The following ARHGAP24 variants were observed in gnomAD, a reference collection of about 807,000 sequenced individuals.
ARHGAP24 encodes rho GTPase-activating protein 24.
A neutral mutation model predicts 76.4 loss-of-function variants in ARHGAP24; 50 were observed. That is an observed-to-expected ratio of 0.65 (90% CI 0.52 to 0.83). ARHGAP24 has a LOEUF of 0.83. Ranked by LOEUF, ARHGAP24 falls within the 40% of genes least tolerant of loss-of-function variation. ARHGAP24 has a pLI of 0.00. For synonymous variants in ARHGAP24, 345 were observed against 323.3 expected, an observed-to-expected ratio of 1.07 and a Z score of -0.72; for missense variants, 930 against 914.2, an observed-to-expected ratio of 1.02 and a Z score of -0.22.
At chr4:85,999,129 A>G (rs981854783) in intron 9 of ARHGAP24, among the ~76,000 whole-genome samples, 9 of 152,322 alleles carry the variant, frequency 5.9e-5, no homozygotes, top group South Asian at 2.1e-4. Context: ...AGCACCTGAT[A>G]CATACAAATG....
At chr4:85,596,582 C>G (rs893409449) in intron 2 of ARHGAP24, among the ~76,000 whole-genome samples, 1 of 151,572 alleles carries the variant, frequency 6.6e-6, no homozygotes, top group Non-Finnish European at 1.5e-5. Context: ...AGTTAAAATC[C>G]TGTATGTGTT....
intron 2 of ARHGAP24, among the ~76,000 whole-genome samples, chr4:85,666,187 C>T (rs1042862515): frequency 3.9e-5 from 6 of 152,164 alleles, no homozygotes; most frequent in African/African-American, 7.2e-5. Flanking sequence ...TCACATAGTC[C>T]TGTATTTCTT....
At position 85,715,326 on chromosome 4, in the gene ARHGAP24, T is replaced by C. The variant is rs151134419; in HGVS notation, c.181-6559T>C. ...TACTAGCAGATATATATTGAAACTT[T>C]ACTACAATCATTTCATTATTTGGGG... On this transcript the variant is annotated intron_variant, in intron 2 of 9. Transcript: ENST00000395184. Among the ~76,000 whole-genome samples, 868 of 152,234 alleles carry C rather than the reference T, an allele frequency of 5.7e-3. 3 individuals carry two copies. The highest frequency in any genetic ancestry group is 7.6e-3 in the Non-Finnish European group (514 of 67,968).
chr4:85,581,386 G>A (rs73835229), intron 2 of ARHGAP24, among the ~76,000 whole-genome samples: 2,916 of 152,080 alleles, frequency 0.019, 96 homozygotes, highest in African/African-American at 0.067. Context: ...TTCTAGATAT[G>A]GGATTACAGA....
intron 2 of ARHGAP24, among the ~76,000 whole-genome samples, chr4:85,671,186 G>T (rs1277491648): frequency 3.9e-5 from 6 of 152,020 alleles, no homozygotes; most frequent in African/African-American, 1.2e-4. Context: ...ATGCCTCGGT[G>T]CCTTTACACT....
chr4:85,757,636 T>A (rs1034321577), intron 3 of ARHGAP24, among the ~76,000 whole-genome samples: 13 of 152,296 alleles, frequency 8.5e-5, no homozygotes, highest in African/African-American at 3.1e-4. Context: ...TTTGGGTTGG[T>A]TCCAAGTCTT....
intron 5 of ARHGAP24, among the ~76,000 whole-genome samples, chr4:85,950,831 T>C (rs1468997944): frequency 4.0e-5 from 6 of 151,860 alleles, no homozygotes; most frequent in African/African-American, 1.2e-4. Context: ...CCACCATACC[T>C]GGCTAATTTT....
intron 2 of ARHGAP24, among the ~76,000 whole-genome samples, chr4:85,605,807 A>G (rs1720174683): frequency 6.6e-6 from 1 of 152,182 alleles, no homozygotes; most frequent in Non-Finnish European, 1.5e-5. Flanking sequence ...GCATTTCTCA[A>G]TTTCTACAAA....
chr4:85,736,013 T>A (rs185705999), intron 3 of ARHGAP24, among the ~76,000 whole-genome samples: 22 of 152,288 alleles, frequency 1.4e-4, no homozygotes, highest in Non-Finnish European at 2.4e-4. Context: ...TTTGAGTTTC[T>A]CAAATGTGCA....
At chr4:85,854,702 G>T (rs1731455844) in intron 3 of ARHGAP24, among the ~76,000 whole-genome samples, 1 of 152,092 alleles carries the variant, frequency 6.6e-6, no homozygotes, top group African/African-American at 2.4e-5. Context: ...TGGAACTGGG[G>T]TTCATTCTGA....
chr4:85,954,704 T>C (rs1737810013), intron 5 of ARHGAP24, among the ~76,000 whole-genome samples: 1 of 152,234 alleles, frequency 6.6e-6, no homozygotes, highest in African/African-American at 2.4e-5. Context: ...TAATTTGTTC[T>C]AGCTTAGTAT....
chr4:85,721,820 T>C (rs1724953157), intron 2 of ARHGAP24, 65 bp from the exon 3 acceptor site: 7 of 1,376,680 alleles, frequency 5.1e-6, no homozygotes, highest in Non-Finnish European at 7.2e-6. Context: ...ATTCACTGAT[T>C]ATAATGATGA....
intron 1 of ARHGAP24, among the ~76,000 whole-genome samples, chr4:85,530,859 A>T (rs181765433): frequency 5.9e-5 from 9 of 152,178 alleles, no homozygotes; most frequent in Non-Finnish European, 1.2e-4. Context: ...TGTTGAAAGA[A>T]ATAATTAATG....
intron 2 of ARHGAP24, among the ~76,000 whole-genome samples, chr4:85,576,119 A>G (rs1353505990): frequency 6.6e-6 from 1 of 152,236 alleles, no homozygotes; most frequent in East Asian, 1.9e-4. Context: ...ATGTGCAAGG[A>G]TTGATTGCTG....
intron 2 of ARHGAP24, among the ~76,000 whole-genome samples, chr4:85,581,740 G>GT (rs995736710): frequency 4.0e-5 from 6 of 151,826 alleles, no homozygotes; most frequent in Non-Finnish European, 7.4e-5. Context: ...ACTTTTCCTA[G>GT]TTTTTTTTAA....
chr4:85,748,748 A>G (rs1320994769), intron 3 of ARHGAP24, among the ~76,000 whole-genome samples: 1 of 152,230 alleles, frequency 6.6e-6, no homozygotes, highest in Non-Finnish European at 1.5e-5. Context: ...TTTCCTGTGC[A>G]TAAGAGCAAA....
chr4:85,833,377 AT>A (rs200699207), intron 3 of ARHGAP24, among the ~76,000 whole-genome samples: 3 of 151,236 alleles, frequency 2.0e-5, no homozygotes, highest in African/African-American at 7.3e-5. Flanking sequence ...AGGTCTCTGG[AT>A]TTTTTTTTCT....
intron 3 of ARHGAP24, among the ~76,000 whole-genome samples, chr4:85,904,626 T>A (rs1302483788): frequency 6.6e-6 from 1 of 152,230 alleles, no homozygotes; most frequent in Non-Finnish European, 1.5e-5. Context: ...CATTCAAAAC[T>A]GAAAATTAAT....
At chr4:85,832,952 T>C (rs1382415523) in intron 3 of ARHGAP24, among the ~76,000 whole-genome samples, 1 of 152,180 alleles carries the variant, frequency 6.6e-6, no homozygotes, top group East Asian at 1.9e-4. Context: ...CTGTACCATC[T>C]ACCCCAGTGT....
Sources: gnomAD v4.1 joint callset for allele counts (sites outside exome capture counted in the v4.1 genomes callset) on GRCh38, gnomAD v4.1.1 for gene constraint, MANE v1.5 for transcripts, NCBI Gene and HGNC (gene_info 2026-07-23, HGNC 2026-07-21) for gene names.